The following TMEM132D variants were observed in gnomAD, a reference collection of about 807,000 sequenced individuals.
The protein encoded by TMEM132D is transmembrane protein 132D, also known as mature OL transmembrane protein.
A neutral mutation model predicts 62.3 loss-of-function variants in TMEM132D; 21 were observed. That is an observed-to-expected ratio of 0.34 (90% CI 0.24 to 0.49). The LOEUF is 0.49. Among genes scored for constraint, TMEM132D ranks in the 20% least tolerant of loss-of-function variants. TMEM132D has a pLI of 0.99. For missense variants in TMEM132D, 1,346 were observed against 1,402.8 expected (o/e 0.96, Z 0.65); for synonymous variants, 621 against 575.6 (o/e 1.08, Z -1.13).
At chr12:129,764,364 G>C (rs879876532) in intron 1 of TMEM132D, among the ~76,000 whole-genome samples, 1 of 152,148 alleles carries the variant, frequency 6.6e-6, no homozygotes, top group African/African-American at 2.4e-5. Flanking sequence ...TATTATAGTA[G>C]GGTTAAGAAA....
In TMEM132D at chr12:129,576,017, A is replaced by G. The variant is rs1371105118; in HGVS notation, c.969-44812T>C. Reference sequence around the variant, plus strand: ...TCTCGATCTCCTGACCTCGTGATCCACCCGCCTCGGCCTCCCAAAGTGCTG... The same window carrying G: ...TCTCGATCTCCTGACCTCGTGATCCGCCCGCCTCGGCCTCCCAAAGTGCTG... On this transcript the variant is annotated intron_variant, in intron 2 of 8. Coordinates refer to ENST00000422113, the MANE Select transcript of TMEM132D (RefSeq NM_133448.3). 4.8e-4 allele frequency among the ~76,000 whole-genome samples: 2 copies of G among 4,158 alleles called. 1 individual carries two copies. Among genetic ancestry groups the G allele is most frequent in the Non-Finnish European group, 1.3e-3 (2 of 1,522 alleles). 2.7% of individuals were successfully genotyped at this position (4,158 alleles called of 152,430 possible).
At chr12:129,147,261 T>TATGTGCATATGTATATATAC (rs1565978379) in intron 5 of TMEM132D, among the ~76,000 whole-genome samples, 1 of 142,386 alleles carries the variant, frequency 7.0e-6, no homozygotes, top group African/African-American at 2.7e-5. Flanking sequence ...TATATATACA[T>TATGTGCATATGTATATATAC]ATGTGCATAT....
At chr12:129,125,982 T>C (rs1256176086) in intron 5 of TMEM132D, among the ~76,000 whole-genome samples, 1 of 152,188 alleles carries the variant, frequency 6.6e-6, no homozygotes, top group Admixed American at 6.5e-5. Flanking sequence ...ATATAGCACA[T>C]GGTCAGGCTG....
At chr12:129,165,686 T>TA in intron 5 of TMEM132D, among the ~76,000 whole-genome samples, 2 of 104,782 alleles carry the variant, frequency 1.9e-5, no homozygotes, top group South Asian at 5.7e-4. Flanking sequence ...TCTTCTTTTT[T>TA]TTTTTCCCCT....
rs1382821919 is a variant in TMEM132D, at chr12:129,074,716, T to C, written c.2459A>G (p.Asn820Ser). The C allele has an allele frequency of 6.2e-7, 1 of 1,614,034 alleles. No individual in the cohort carries two copies. Among genetic ancestry groups the C allele is most frequent in the Non-Finnish European group, 8.5e-7 (1 of 1,180,018 alleles). Residue 820 changes from asparagine (N) to serine (S), a missense_variant, in exon 9 of 9, where the codon AAC (asparagine) becomes AGC (serine). Asn to Ser is a conservative substitution (Grantham distance 46, BLOSUM62 1). Transcript: ENST00000422113. ...TTTGGGCCTTCTGTCACTGACATTG[T>C]TTTCCATGTGAACCCCTGCCCCTGT... is the stretch of plus-strand genomic sequence containing the variant. ...RHTGAGVHME[N>S]NVSDRRPKKP...
intron 2 of TMEM132D, among the ~76,000 whole-genome samples, chr12:129,680,116 T>G (rs1170282765): frequency 6.6e-6 from 1 of 152,224 alleles, no homozygotes; most frequent in Non-Finnish European, 1.5e-5. Context: ...GTTCTGTGCC[T>G]GAGTTCACTC....
intron 4 of TMEM132D, among the ~76,000 whole-genome samples, chr12:129,310,682 G>A (rs1008944417): frequency 3.9e-5 from 6 of 152,198 alleles, no homozygotes; most frequent in Non-Finnish European, 8.8e-5. Context: ...AGGAAGGCTT[G>A]AAGAACATGG....
chr12:129,484,949 G>A (rs1406918320), intron 3 of TMEM132D, among the ~76,000 whole-genome samples: 1 of 152,182 alleles, frequency 6.6e-6, no homozygotes, highest in Non-Finnish European at 1.5e-5. Flanking sequence ...ATGTTTTAGA[G>A]GACTCTGTTT....
At chr12:129,404,197 G>GTTAC (rs1555253685) in intron 3 of TMEM132D, among the ~76,000 whole-genome samples, 1 of 151,586 alleles carries the variant, frequency 6.6e-6, no homozygotes, top group African/African-American at 2.4e-5. Context: ...GGGTTATTTA[G>GTTAC]TTATTTATTT....
At chr12:129,725,173 G>A (rs553421468) in intron 1 of TMEM132D, among the ~76,000 whole-genome samples, 85 of 152,318 alleles carry the variant, frequency 5.6e-4, no homozygotes, top group African/African-American at 1.7e-3. Flanking sequence ...GGCAAGAGAC[G>A]TGGCTTTTCA....
rs559459557 is a variant in TMEM132D, at chr12:129,833,068, T to C, written c.79+70193A>G. On this transcript the variant is annotated intron_variant, in intron 1 of 8. Transcript: ENST00000422113. ...CTGGCCGATGTCCAGACTTTGACCT[T>C]GAAGATGCTCGTGCCTGAGTGCAGG... 3.9e-5 allele frequency among the ~76,000 whole-genome samples: 6 copies of C among 152,316 alleles called. No homozygotes were observed. The South Asian group carries it at 8.3e-4, about 21-fold the overall frequency.
In TMEM132D at chr12:129,540,787, C is replaced by A. The variant is rs116985106; in HGVS notation, c.969-9582G>T. Among the ~76,000 whole-genome samples the A allele has an allele frequency of 6.1e-3, 935 of 152,258 alleles. 38 individuals carry two copies. The South Asian group carries it at 0.099, about 16-fold the overall frequency. ...TTACAGGTGTGAGCCACCATGCCAG[C>A]CTCATTCAACAAATACTTTAATTTC... On this transcript the variant is annotated intron_variant, in intron 2 of 8. Transcript: ENST00000422113.
At chr12:129,274,259 T>C (rs1593319478) in intron 4 of TMEM132D, among the ~76,000 whole-genome samples, 1 of 149,386 alleles carries the variant, frequency 6.7e-6, no homozygotes, top group Admixed American at 6.6e-5. Context: ...GCCAGAACAA[T>C]GTGTGCTCTG....
chr12:129,510,205 A>G (rs2137073285), intron 3 of TMEM132D, among the ~76,000 whole-genome samples: 1 of 152,206 alleles, frequency 6.6e-6, no homozygotes, highest in African/African-American at 2.4e-5. Context: ...TTTGATTTGC[A>G]TTTCTCTGAT....
At chr12:129,365,201 T>A (rs1221508452) in intron 3 of TMEM132D, among the ~76,000 whole-genome samples, 1 of 152,170 alleles carries the variant, frequency 6.6e-6, no homozygotes, top group Non-Finnish European at 1.5e-5. Flanking sequence ...CTAGAGGCAG[T>A]CCAGCTGCCA....
At chr12:129,384,796 C>T (rs916560099) in intron 3 of TMEM132D, among the ~76,000 whole-genome samples, 1 of 152,180 alleles carries the variant, frequency 6.6e-6, no homozygotes, top group African/African-American at 2.4e-5. Flanking sequence ...GGGCAACACT[C>T]TCCCGTATTC....
chr12:129,833,244 G>A (rs762392406), intron 1 of TMEM132D, among the ~76,000 whole-genome samples: 76 of 152,124 alleles, frequency 5.0e-4, no homozygotes, highest in African/African-American at 1.7e-3. Context: ...AGCTACAGTC[G>A]GACACACACA....
At chr12:129,262,177 C>T (rs73420185) in intron 4 of TMEM132D, among the ~76,000 whole-genome samples, 1,904 of 152,184 alleles carry the variant, frequency 0.013, 38 homozygotes, top group African/African-American at 0.043. Flanking sequence ...GCAGAATATA[C>T]GTCAGTTAAT....
intron 3 of TMEM132D, among the ~76,000 whole-genome samples, chr12:129,477,636 C>T (rs912308265): frequency 7.9e-5 from 12 of 151,860 alleles, no homozygotes; most frequent in Admixed American, 6.6e-4. Context: ...CTGGCTAACA[C>T]GGTGAAACCC....
Sources: gnomAD v4.1 joint callset for allele counts (sites outside exome capture counted in the v4.1 genomes callset) on GRCh38, gnomAD v4.1.1 for gene constraint, MANE v1.5 for transcripts, NCBI Gene and HGNC (gene_info 2026-07-23, HGNC 2026-07-21) for gene names.